PRKD1: variants seen among roughly 807,000 people sequenced by gnomAD.
PRKD1 encodes the protein protein kinase D1.
Under a neutral mutation model 95.9 loss-of-function variants are expected in PRKD1, and 63 were observed. The observed-to-expected ratio is 0.66, with a 90% CI of 0.54 to 0.81. The LOEUF (loss-of-function observed/expected upper bound fraction) is 0.81, where lower values mean the gene tolerates loss of function less well. Among genes scored for constraint, PRKD1 ranks in the 30% least tolerant of loss-of-function variants. PRKD1 has a pLI of 0.00. For synonymous variants in PRKD1, 425 were observed against 423.1 expected, an observed-to-expected ratio of 1.00 and a Z score of -0.05; for missense variants, 1,048 against 1,165.3, an observed-to-expected ratio of 0.90 and a Z score of 1.47.
intron 13 of PRKD1, among the ~76,000 whole-genome samples, chr14:29,607,359 TGTAGGTCAGAA>T (rs1450609191): frequency 1.1e-4 from 17 of 152,244 alleles, no homozygotes; most frequent in Admixed American, 8.5e-4. Context: ...CTCACAGTTC[TGTAGGTCAGAA>T]GTCTGGTGAG....
At position 29,725,467 on chromosome 14, in the gene PRKD1, A is replaced by G. The variant is rs778192704; in HGVS notation, c.403+69T>C. On this transcript the variant is annotated intron_variant, in intron 2 of 17. Coordinates refer to ENST00000331968, the MANE Select transcript of PRKD1 (RefSeq NM_002742.3). Reference sequence around the variant, plus strand: ...ATGCTTTTTATGTTTCCTTAAAAACATATGCCCAAGAATTCTTCAAATACA... The same window carrying G: ...ATGCTTTTTATGTTTCCTTAAAAACGTATGCCCAAGAATTCTTCAAATACA... 945 of 1,548,020 alleles carry G rather than the reference A, an allele frequency of 6.1e-4. 6 individuals are homozygous for G. Among genetic ancestry groups the G allele is most frequent in the Middle Eastern group, 5.5e-3 (32 of 5,770 alleles).
intron 1 of PRKD1, among the ~76,000 whole-genome samples, chr14:29,833,885 G>T (rs1423607288): frequency 6.6e-6 from 1 of 151,230 alleles, no homozygotes; most frequent in East Asian, 1.9e-4. Flanking sequence ...ACAGCAGCGA[G>T]CCTGAAAAAA....
intron 16 of PRKD1, among the ~76,000 whole-genome samples, chr14:29,596,700 T>C (rs1474680474): frequency 1.3e-5 from 2 of 152,134 alleles, no homozygotes; most frequent in African/African-American, 4.8e-5. Flanking sequence ...TGATCCACAC[T>C]TGAAATATAG....
At chr14:29,585,808 C>T (rs1251328351) in intron 16 of PRKD1, among the ~76,000 whole-genome samples, 1 of 152,052 alleles carries the variant, frequency 6.6e-6, no homozygotes, top group African/African-American at 2.4e-5. Context: ...ACACTAAAAT[C>T]CTTTGGGAAG....
chr14:29,706,658 G>A (rs1481955538), intron 2 of PRKD1, among the ~76,000 whole-genome samples: 1 of 152,150 alleles, frequency 6.6e-6, no homozygotes, highest in Non-Finnish European at 1.5e-5. Flanking sequence ...GTTAAAACAT[G>A]TAAGTGGCTT....
At chr14:29,633,588 A>G (rs541267780) in intron 8 of PRKD1, among the ~76,000 whole-genome samples, 1 of 152,330 alleles carries the variant, frequency 6.6e-6, no homozygotes, top group Admixed American at 6.5e-5. Flanking sequence ...TATATCTTTC[A>G]GGATTTTAGG....
chr14:29,696,635 T>C (rs1884533952), intron 2 of PRKD1, among the ~76,000 whole-genome samples: 1 of 152,204 alleles, frequency 6.6e-6, no homozygotes, highest in Non-Finnish European at 1.5e-5. Context: ...ATATGAATTA[T>C]ATCCCAATAA....
rs570090515 is a variant in PRKD1 at position 29,806,455 on chromosome 14, A to G, written c.265-80781T>C. Among the ~76,000 whole-genome samples, 3 of 151,506 alleles carry G rather than the reference A, an allele frequency of 2.0e-5. No homozygotes were observed. In the South Asian group the frequency reaches 6.3e-4, roughly 32 times the overall value. ...TGCCTGGCCTTCAGGTTGCAGGAGA[A>G]AAAAAAAATACAACAAGTAGATCCA... is the stretch of plus-strand genomic sequence containing the variant. On this transcript the variant is annotated intron_variant, in intron 1 of 17. Coordinates refer to ENST00000331968, the MANE Select transcript of PRKD1 (RefSeq NM_002742.3).
At chr14:29,677,280 T>G (rs890419694) in intron 2 of PRKD1, among the ~76,000 whole-genome samples, 1 of 152,190 alleles carries the variant, frequency 6.6e-6, no homozygotes, top group East Asian at 1.9e-4. Context: ...ACCCCCAAAC[T>G]CTGAAAATGA....
At chr14:29,923,115 C>T (rs1408954504) in intron 1 of PRKD1, among the ~76,000 whole-genome samples, 3 of 151,174 alleles carry the variant, frequency 2.0e-5, no homozygotes, top group African/African-American at 7.3e-5. Flanking sequence ...CCTGTAGACC[C>T]AGCTACTCAA....
intron 13 of PRKD1, among the ~76,000 whole-genome samples, chr14:29,611,717 A>C (rs1442336735): frequency 7.3e-5 from 11 of 150,478 alleles, no homozygotes; most frequent in African/African-American, 2.7e-4. Flanking sequence ...GTTTAGGAGA[A>C]AGAGAATATT....
At chr14:29,730,562 A>C (rs1177174966) in intron 1 of PRKD1, among the ~76,000 whole-genome samples, 1 of 152,130 alleles carries the variant, frequency 6.6e-6, no homozygotes, top group African/African-American at 2.4e-5. Flanking sequence ...CTCAAAGAGA[A>C]AACTGCATTC....
chr14:29,647,829 C>CAT (rs148403947), intron 4 of PRKD1, among the ~76,000 whole-genome samples: 5,489 of 152,220 alleles, frequency 0.036, 299 homozygotes, highest in African/African-American at 0.12. Flanking sequence ...GCTTAGCAGA[C>CAT]GTGTCCTGAA....
intron 1 of PRKD1, among the ~76,000 whole-genome samples, chr14:29,785,094 C>T (rs1889207051): frequency 6.6e-6 from 1 of 152,140 alleles, no homozygotes. Flanking sequence ...CACTCAACTT[C>T]CCTCACAAAT....
chr14:29,770,300 GAACC>G (rs1297004237), intron 1 of PRKD1, among the ~76,000 whole-genome samples: 3 of 152,224 alleles, frequency 2.0e-5, no homozygotes, highest in Admixed American at 6.5e-5. Flanking sequence ...AAGCATGGAA[GAACC>G]GCTAGAAATG....
chr14:29,624,487 T>G (rs1288186918), intron 12 of PRKD1, among the ~76,000 whole-genome samples: 1 of 152,124 alleles, frequency 6.6e-6, no homozygotes, highest in African/African-American at 2.4e-5. Flanking sequence ...ATTGGGGCAT[T>G]AAAAGCTATA....
intron 1 of PRKD1, among the ~76,000 whole-genome samples, chr14:29,860,348 C>T (rs115985955): frequency 6.6e-6 from 1 of 152,136 alleles, no homozygotes; most frequent in Non-Finnish European, 1.5e-5. Context: ...TAAATCACAT[C>T]GTGTGTAGCT....
At chr14:29,620,710 A>G (rs1879189203) in intron 13 of PRKD1, among the ~76,000 whole-genome samples, 1 of 152,124 alleles carries the variant, frequency 6.6e-6, no homozygotes, top group Non-Finnish European at 1.5e-5. Context: ...AAATAGGAAC[A>G]CTTTCACACT....
chr14:29,590,098 T>C (rs1893077879), intron 16 of PRKD1, among the ~76,000 whole-genome samples: 1 of 152,200 alleles, frequency 6.6e-6, no homozygotes. Context: ...CTATTTAACA[T>C]TGCAGTCACA....
Sources: gnomAD v4.1 joint callset for allele counts (sites outside exome capture counted in the v4.1 genomes callset) on GRCh38, gnomAD v4.1.1 for gene constraint, MANE v1.5 for transcripts, NCBI Gene and HGNC (gene_info 2026-07-23, HGNC 2026-07-21) for gene names.